RASGRF1: variants seen among roughly 807,000 people sequenced by gnomAD.
RASGRF1 encodes ras-specific guanine nucleotide-releasing factor 1.
Under a neutral mutation model 138.7 loss-of-function variants are expected in RASGRF1, and 40 were observed. The ratio of observed to expected loss-of-function variants is 0.29; its 90% confidence interval spans 0.22 to 0.38. RASGRF1 has a LOEUF of 0.38. Ranked by LOEUF, RASGRF1 falls within the 10% of genes least tolerant of loss-of-function variation. The probability of loss-of-function intolerance (pLI) is 1.00; values close to 1 mark genes in which losing one functional copy is unlikely to be tolerated. For missense variants in RASGRF1, 1,108 were observed against 1,650.4 expected (o/e 0.67, Z 5.69); for synonymous variants, 614 against 663.2 (o/e 0.93, Z 1.14).
intron 24 of RASGRF1, among the ~76,000 whole-genome samples, chr15:78,974,235 G>A (rs528443962): frequency 8.5e-5 from 13 of 152,174 alleles, no homozygotes; most frequent in Non-Finnish European, 1.3e-4. Context: ...TGCCGGCAGG[G>A]CTCCCTTTAG....
intron 8 of RASGRF1, among the ~76,000 whole-genome samples, chr15:79,029,934 C>T (rs149812570): frequency 7.9e-5 from 12 of 152,314 alleles, no homozygotes; most frequent in African/African-American, 2.9e-4. Context: ...TAGGATATCC[C>T]TCAGCAAGGA....
chr15:79,030,152 C>G (rs1186144197), intron 8 of RASGRF1, among the ~76,000 whole-genome samples: 1 of 152,194 alleles, frequency 6.6e-6, no homozygotes, highest in African/African-American at 2.4e-5. Flanking sequence ...TCGGGGGCAG[C>G]CTATACCCTG....
chr15:79,027,392 C>G lies in RASGRF1; in HGVS notation c.1381+349G>C, dbSNP rs537330749. Among the ~76,000 whole-genome samples the G allele has an allele frequency of 6.6e-6, 1 of 152,164 alleles. No homozygotes were observed. Among genetic ancestry groups the G allele is most frequent in the African/African-American group, 2.4e-5 (1 of 41,422 alleles). ...TGAAAACGCTTCTGACTCACAGAGA[C>G]AACTGTTAGCTCCTCATCCCCCGCC... On this transcript the variant is annotated intron_variant, in intron 9 of 26. Transcript: ENST00000558480. This position sits in a 1 kb window ranked among gnomAD's most constrained non-coding sequence, Gnocchi z 4.8.
chr15:79,053,564 TTCCTTCATGGGGC>T (rs1296153559), intron 3 of RASGRF1, among the ~76,000 whole-genome samples: 1 of 152,246 alleles, frequency 6.6e-6, no homozygotes, highest in African/African-American at 2.4e-5. Flanking sequence ...TTTTAGATGG[TTCCTTCATGGGGC>T]TTTCTGGTAA....
chr15:79,008,953 C>A (rs2056739606), intron 13 of RASGRF1, among the ~76,000 whole-genome samples: 1 of 152,176 alleles, frequency 6.6e-6, no homozygotes, highest in African/African-American at 2.4e-5. Context: ...AGATAAATGA[C>A]CCTCGTCTTT....
intron 4 of RASGRF1, 150 bp from the exon 5 acceptor site, chr15:79,047,149 G>T (rs2057365992): frequency 7.2e-6 from 7 of 976,774 alleles, no homozygotes; most frequent in Non-Finnish European, 7.4e-6. Flanking sequence ...TGTAGACCAG[G>T]CATAGCTCTG....
At position 79,008,127 on chromosome 15, in the gene RASGRF1, C is replaced by T. The variant is rs184073040; in HGVS notation, c.1827-1693G>A. Among the ~76,000 whole-genome samples the T allele has an allele frequency of 8.3e-4, 127 of 152,362 alleles. 1 individual carries two copies. In the East Asian group the frequency reaches 0.016, roughly 19 times the overall value. On this transcript the variant is annotated intron_variant, in intron 13 of 26. Transcript: ENST00000558480. ...GAGTGCTGGGATTACAGGCGTGAGC[C>T]ACCGCACCTGGCTCACCTGTTCTTT...
In RASGRF1 at chr15:79,007,545, G is replaced by GTTT. The variant is rs5813951; in HGVS notation, c.1827-1114_1827-1112dup. Among the ~76,000 whole-genome samples the GTTT allele has an allele frequency of 3.7e-3, 406 of 108,940 alleles. 17 individuals are homozygous for GTTT. Among genetic ancestry groups the GTTT allele is most frequent in the South Asian group, 0.015 (44 of 3,010 alleles). The allele number at this position is 108,940 out of a possible 152,430, so 71.5% of individuals were successfully genotyped here. A position where few individuals can be genotyped will look rare whatever the true frequency, so the allele number is the denominator to read the frequency against. On this transcript the variant is annotated intron_variant, in intron 13 of 26. Transcript: ENST00000558480. ...ACTTACATGCTGATGGCCGTATCTA[G>GTTT]TTTTTTTTTTTTTTTTTTTTAATGA...
intron 3 of RASGRF1, among the ~76,000 whole-genome samples, chr15:79,056,085 C>G (rs536716170): frequency 1.3e-5 from 2 of 152,202 alleles, no homozygotes; most frequent in East Asian, 3.9e-4. Flanking sequence ...CAGGGTGAGG[C>G]GTTTGAGCTT....
At chr15:78,991,619 G>A (rs1369437425) in intron 21 of RASGRF1, 72 bp downstream of exon 21, 9 of 1,224,526 alleles carry the variant, frequency 7.3e-6, no homozygotes, top group Non-Finnish European at 9.6e-6. Flanking sequence ...TTCACTGCGT[G>A]TGCTTCCAGG....
In RASGRF1 at chr15:78,961,108, CTG is replaced by C. The variant is rs1475966807; in HGVS notation, c.*1034_*1035del. ...GCATGCCTGCCACTTCGGAGTTAAC[CTG>C]TGTTTTCTATACTGTACAGTGTAAA... On this transcript the variant is annotated 3_prime_UTR_variant, in exon 27 of 27. Coordinates refer to ENST00000558480, the MANE Select transcript of RASGRF1 (RefSeq NM_001145648.3). 1 of 152,186 alleles carries C rather than the reference CTG, an allele frequency of 6.6e-6. No homozygotes were observed. Among genetic ancestry groups the C allele is most frequent in the Non-Finnish European group, 1.5e-5 (1 of 68,030 alleles). The allele number at this position is 152,186 out of a possible 1,614,324, so 9.4% of individuals were successfully genotyped here. A position where few individuals can be genotyped will look rare whatever the true frequency, so the allele number is the denominator to read the frequency against.
chr15:79,043,957 A>G (rs756414203), intron 5 of RASGRF1, among the ~76,000 whole-genome samples: 4 of 152,230 alleles, frequency 2.6e-5, no homozygotes, highest in Non-Finnish European at 4.4e-5. Flanking sequence ...CTCTGGGTCC[A>G]CCAGCCTTCA....
At chr15:79,024,876 C>CAT (rs1248981757) in intron 10 of RASGRF1, among the ~76,000 whole-genome samples, 5 of 150,572 alleles carry the variant, frequency 3.3e-5, no homozygotes, top group Admixed American at 6.6e-5. Flanking sequence ...GACACACACA[C>CAT]ATATATATAC....
intron 22 of RASGRF1, among the ~76,000 whole-genome samples, chr15:78,986,420 C>A (rs1241298347): frequency 6.6e-6 from 1 of 151,626 alleles, no homozygotes; most frequent in African/African-American, 2.4e-5. Flanking sequence ...CATCTCGGCT[C>A]ACTTCAACTT....
In RASGRF1 at chr15:78,962,051, C is replaced by G. The variant is rs907659072; in HGVS notation, c.*93G>C. The G allele has an allele frequency of 6.5e-6, 5 of 773,310 alleles. No homozygotes were observed. Among genetic ancestry groups the G allele is most frequent in the Non-Finnish European group, 1.1e-5 (5 of 458,888 alleles). The allele number at this position is 773,310 out of a possible 1,614,324, so 47.9% of individuals were successfully genotyped here. A position where few individuals can be genotyped will look rare whatever the true frequency, so the allele number is the denominator to read the frequency against. On this transcript the variant is annotated 3_prime_UTR_variant, in exon 27 of 27. Transcript: ENST00000558480. ...ATTTGTATTCTTGGAGAAGCACATA[C>G]TGAAGAAGAAAATCCAGTGAAACCA...
At chr15:78,978,205 TTTTTC>T (rs1340467638) in intron 24 of RASGRF1, among the ~76,000 whole-genome samples, 4 of 134,140 alleles carry the variant, frequency 3.0e-5, no homozygotes, top group South Asian at 2.5e-4. Context: ...CTTCTTTTTC[TTTTTC>T]TTTTCTTTTG....
chr15:79,021,369 C>G (rs1357299134), intron 10 of RASGRF1, among the ~76,000 whole-genome samples: 1 of 152,188 alleles, frequency 6.6e-6, no homozygotes, highest in African/African-American at 2.4e-5. Flanking sequence ...AGTGGACCAC[C>G]AAACCCTGTG....
intron 2 of RASGRF1, among the ~76,000 whole-genome samples, chr15:79,059,958 A>G (rs2057575625): frequency 7.8e-6 from 1 of 127,580 alleles, no homozygotes; most frequent in Non-Finnish European, 1.8e-5. Context: ...GTCTCCACTG[A>G]TACACTCACA....
rs532444069 is a variant in RASGRF1, at chr15:78,973,632, A to G, written c.3495-212T>C. Among the ~76,000 whole-genome samples the G allele has an allele frequency of 6.6e-6, 1 of 152,106 alleles. No individual in the cohort carries two copies. Among genetic ancestry groups the G allele is most frequent in the Admixed American group, 6.5e-5 (1 of 15,288 alleles). On this transcript the variant is annotated intron_variant, in intron 24 of 26. Coordinates refer to ENST00000558480, the MANE Select transcript of RASGRF1 (RefSeq NM_001145648.3). This position sits in a 1 kb window ranked among gnomAD's most constrained non-coding sequence, Gnocchi z 4.9. Reference sequence around the variant, plus strand: ...AGTCCTCTGGGGTGGTGGGGGCAACATGGTGCTGACTGGGGCCTCTTACAC... The same window carrying G: ...AGTCCTCTGGGGTGGTGGGGGCAACGTGGTGCTGACTGGGGCCTCTTACAC...
Sources: allele counts gnomAD v4.1 joint callset (sites outside exome capture counted in the v4.1 genomes callset), GRCh38; gene constraint gnomAD v4.1.1; non-coding constraint Gnocchi (gnomAD v3.1); transcripts MANE v1.5; gene names NCBI Gene and HGNC (gene_info 2026-07-23, HGNC 2026-07-21).